ESM1: variants seen among roughly 807,000 people sequenced by gnomAD.
ESM1 encodes endothelial cell-specific molecule 1.
Under a neutral mutation model 14.9 loss-of-function variants are expected in ESM1, and 7 were observed. The observed-to-expected ratio is 0.47, with a 90% CI of 0.27 to 0.88. ESM1 has a LOEUF of 0.88. ESM1 is among the 40% of genes least tolerant of loss of function. The probability of loss-of-function intolerance (pLI) is 0.14; values close to 1 mark genes in which losing one functional copy is unlikely to be tolerated. For missense variants in ESM1, 192 were observed against 237.9 expected (o/e 0.81, Z 1.27); for synonymous variants, 89 against 89.4 (o/e 1.00, Z 0.02).
At position 54,985,547 on chromosome 5, in the gene ESM1, C is replaced by T. The variant is rs781029699; in HGVS notation, c.-30G>A. 3.1e-5 allele frequency: 48 copies of T among 1,559,078 alleles called. No individual in the cohort carries two copies. In the African/African-American group the frequency reaches 5.1e-4, roughly 17 times the overall value. On this transcript the variant is annotated 5_prime_UTR_variant, in exon 1 of 3. Transcript: ENST00000381405. Reference sequence around the variant, plus strand: ...CCCAGCTGCCTCCGGCTCGGCTCTCCAGTCGTGGTCTTTGCTGGTGGGAAG... The same window carrying T: ...CCCAGCTGCCTCCGGCTCGGCTCTCTAGTCGTGGTCTTTGCTGGTGGGAAG...
At position 54,979,179 on chromosome 5, in the gene ESM1, A is replaced by G; in HGVS notation, c.*153T>C. ...CATATGGATGTTATGGATTGTAAGT[A>G]TCCTACTTTTTGTTTTCTGGATCCA... is the stretch of plus-strand genomic sequence containing the variant. On this transcript the variant is annotated 3_prime_UTR_variant, in exon 3 of 3. Coordinates refer to ENST00000381405, the MANE Select transcript of ESM1 (RefSeq NM_007036.5). 2 of 629,366 alleles carry G rather than the reference A, an allele frequency of 3.2e-6. No homozygotes were observed. The highest frequency in any genetic ancestry group is 3.6e-5 in the African/African-American group (2 of 55,096). The allele number at this position is 629,366 out of a possible 1,614,324, so 39.0% of individuals were successfully genotyped here.
In ESM1 at chr5:54,979,277, C is replaced by CT. The variant is rs1744003050; in HGVS notation, c.*54dup. 3 of 1,268,030 alleles carry CT rather than the reference C, an allele frequency of 2.4e-6. No individual in the cohort carries two copies. The highest frequency in any genetic ancestry group is 1.7e-5 in the Admixed American group (1 of 58,222). 78.5% of individuals were successfully genotyped at this position (1,268,030 alleles called of 1,614,324 possible). A position where few individuals can be genotyped will look rare whatever the true frequency, so the allele number is the denominator to read the frequency against. ...ATCTAGAAAGTTCCTAAAATGTTGGCTGTGTGTTGAACAATCACGAAAATA... is the reference window on the plus strand; with the variant it reads ...ATCTAGAAAGTTCCTAAAATGTTGGCTTGTGTGTTGAACAATCACGAAAATA... On this transcript the variant is annotated 3_prime_UTR_variant, in exon 3 of 3. Transcript: ENST00000381405.
At chr5:54,982,990 G>C (rs1353358596) in intron 1 of ESM1, among the ~76,000 whole-genome samples, 1 of 152,136 alleles carries the variant, frequency 6.6e-6, no homozygotes, top group African/African-American at 2.4e-5. Flanking sequence ...CAGCATCTCA[G>C]TAGACTAACC....
intron 2 of ESM1, 88 bp from the exon 3 acceptor site, chr5:54,979,523 T>G: frequency 2.3e-6 from 2 of 872,680 alleles, no homozygotes; most frequent in Middle Eastern, 2.2e-4. Context: ...TACATGGAAT[T>G]TACAATGAAA....
chr5:54,983,160 A>C (rs1451431137), intron 1 of ESM1, among the ~76,000 whole-genome samples: 1 of 152,220 alleles, frequency 6.6e-6, no homozygotes, highest in Non-Finnish European at 1.5e-5. Context: ...TCAATGAGCT[A>C]TCTTTTTTTA....
rs550324980 is a variant in ESM1, at chr5:54,979,398, T to C, written c.489A>G (p.Arg163=). 1 of 1,613,790 alleles carries C rather than the reference T, an allele frequency of 6.2e-7. No individual in the cohort carries two copies. The part of the protein sequence containing the change: ...DMASGDGNIV[R]EEVVKENAAG... ...CAGCATTCTCTTTCACAACTTCTTC[T>C]CTCACAATATTGCCATCTCCAGATG... The change falls in exon 3 of 3, where the codon AGA becomes AGG. Residue 163 remains arginine, a synonymous_variant. Coordinates refer to ENST00000381405, the MANE Select transcript of ESM1 (RefSeq NM_007036.5).
chr5:54,982,230 G>T, intron 1 of ESM1, 84 bp from the exon 2 acceptor site: 1 of 1,347,910 alleles, frequency 7.4e-7, no homozygotes, highest in Non-Finnish European at 1.0e-6. Context: ...ATAGCCTTGC[G>T]ATTTGAACCA....
Position 54,978,379 on chromosome 5 carries a change from C to T in ESM1, c.*953G>A, listed in dbSNP as rs1743978417. On this transcript the variant is annotated 3_prime_UTR_variant, in exon 3 of 3. Coordinates refer to ENST00000381405, the MANE Select transcript of ESM1 (RefSeq NM_007036.5). The stretch of plus-strand genomic sequence containing the variant: ...CTTATGCTTATTAAGGTTATTATTA[C>T]TATAATTATGGATAATAAATTTATC... 1 of 151,848 alleles carries T rather than the reference C, an allele frequency of 6.6e-6. No homozygotes were observed. Among genetic ancestry groups the T allele is most frequent in the Non-Finnish European group, 1.5e-5 (1 of 68,010 alleles). The allele number at this position is 151,848 out of a possible 1,614,324, so 9.4% of individuals were successfully genotyped here.
chr5:54,982,187 TAAATAC>T (rs1744066838), intron 1 of ESM1, 41 bp from the exon 2 acceptor site: 1 of 1,605,244 alleles, frequency 6.2e-7, no homozygotes, highest in African/African-American at 1.3e-5. Flanking sequence ...CTGCTTGTTG[TAAATAC>T]GTCTCCATCC....
intron 2 of ESM1, among the ~76,000 whole-genome samples, chr5:54,979,642 G>A (rs775179767): frequency 5.3e-5 from 8 of 151,968 alleles, no homozygotes; most frequent in East Asian, 1.9e-4. Flanking sequence ...TATACCTATC[G>A]TCACCTGACA....
At chr5:54,983,882 A>C (rs1035568912) in intron 1 of ESM1, among the ~76,000 whole-genome samples, 1 of 152,188 alleles carries the variant, frequency 6.6e-6, no homozygotes, top group Admixed American at 6.5e-5. Flanking sequence ...TGTGTTAACC[A>C]CTTCCTCCCT....
Position 54,978,214 on chromosome 5 carries a change from T to A in ESM1, c.*1118A>T, listed in dbSNP as rs1206676040. 6.6e-6 allele frequency: 1 copy of A among 152,186 alleles called. No individual in the cohort carries two copies. The highest frequency in any genetic ancestry group is 1.5e-5 in the Non-Finnish European group (1 of 68,028). The allele number at this position is 152,186 out of a possible 1,614,324, so 9.4% of individuals were successfully genotyped here. A position where few individuals can be genotyped will look rare whatever the true frequency, so the allele number is the denominator to read the frequency against. ...TGACATGTTTTCTGCTGAAAATTGA[T>A]TCTTCTTTTACAAACCTCCTAAAAA... On this transcript the variant is annotated 3_prime_UTR_variant, in exon 3 of 3. Transcript: ENST00000381405.
intron 2 of ESM1, among the ~76,000 whole-genome samples, chr5:54,979,734 A>C (rs1744014727): frequency 6.6e-6 from 1 of 152,190 alleles, no homozygotes; most frequent in Non-Finnish European, 1.5e-5. Flanking sequence ...AAAGGTAGGG[A>C]CTTTATTTTG....
At chr5:54,981,421 C>T (rs559749537) in intron 2 of ESM1, among the ~76,000 whole-genome samples, 16 of 152,242 alleles carry the variant, frequency 1.1e-4, no homozygotes, top group East Asian at 1.9e-4. Context: ...ACAAGCAGCA[C>T]GTATTACTAC....
chr5:54,983,961 A>G (rs574047774), intron 1 of ESM1, among the ~76,000 whole-genome samples: 1 of 152,230 alleles, frequency 6.6e-6, no homozygotes, highest in African/African-American at 2.4e-5. Flanking sequence ...TACAGATCCT[A>G]TTCAGTTGAA....
In ESM1 at chr5:54,985,226, T is replaced by C. The variant is rs1183867091; in HGVS notation, c.292A>G (p.Ile98Val). The change falls in exon 1 of 3, where the codon ATC becomes GTC. Residue 98 changes from isoleucine to valine, a missense_variant. By Grantham distance (29) the Ile-to-Val change is conservative. Coordinates refer to ENST00000381405, the MANE Select transcript of ESM1 (RefSeq NM_007036.5). ...GEDPFGEEFG[I>V]CKDCPYGTFG... ...AGGGGTCACTCTTTACCTTTGCAGA[T>C]ACCAAACTCTTCACCAAAAGGATCC... The C allele has an allele frequency of 6.2e-7, 1 of 1,610,622 alleles. No homozygotes were observed. The highest frequency in any genetic ancestry group is 8.5e-7 in the Non-Finnish European group (1 of 1,177,556).
intron 2 of ESM1, among the ~76,000 whole-genome samples, chr5:54,980,249 G>A (rs891869717): frequency 6.6e-6 from 1 of 152,202 alleles, no homozygotes; most frequent in Non-Finnish European, 1.5e-5. Flanking sequence ...CAAGAGTGCT[G>A]TAGCCAGCAG....
chr5:54,980,139 C>A (rs1288416246), intron 2 of ESM1, among the ~76,000 whole-genome samples: 1 of 152,122 alleles, frequency 6.6e-6, no homozygotes, highest in Non-Finnish European at 1.5e-5. Context: ...CCCCCAAGAC[C>A]CTCGTACACA....
Position 54,983,330 on chromosome 5 carries a change from C to T in ESM1, c.302-1184G>A, listed in dbSNP as rs998458. ...GATTAGGATTTGACTGTGCCTGCAG[C>T]GATATTGAAAACTAAAACTTTAGCC... is the stretch of plus-strand genomic sequence containing the variant. On this transcript the variant is annotated intron_variant, in intron 1 of 2. Transcript: ENST00000381405. Among the ~76,000 whole-genome samples the T allele has an allele frequency of 6.8e-3, 1,039 of 152,260 alleles. 18 individuals carry two copies. The highest frequency in any genetic ancestry group is 0.023 in the African/African-American group (970 of 41,532).
Sources: gnomAD v4.1 joint callset for allele counts (sites outside exome capture counted in the v4.1 genomes callset) on GRCh38, gnomAD v4.1.1 for gene constraint, MANE v1.5 for transcripts, NCBI Gene and HGNC (gene_info 2026-07-23, HGNC 2026-07-21) for gene names.